Variants in DOCK5 observed in about 807,000 individuals in gnomAD.
DOCK5 encodes dedicator of cytokinesis protein 5.
Under a neutral mutation model 251.8 loss-of-function variants are expected in DOCK5, and 142 were observed. That is an observed-to-expected ratio of 0.56 (90% CI 0.49 to 0.65). The LOEUF is 0.65. DOCK5 is among the 30% of genes least tolerant of loss of function. DOCK5 has a pLI of 0.00. For missense variants in DOCK5, 2,111 were observed against 2,312.3 expected (o/e 0.91, Z 1.79); for synonymous variants, 842 against 835.5 (o/e 1.01, Z -0.13).
chr8:25,392,126 AC>A, intron 43 of DOCK5, 146 bp downstream of exon 43: 1 of 736,148 alleles, frequency 1.4e-6, no homozygotes, highest in Non-Finnish European at 2.2e-6. Flanking sequence ...ATACGGTGAA[AC>A]CCCATCGGTA....
intron 40 of DOCK5, among the ~76,000 whole-genome samples, chr8:25,383,903 A>G (rs187253931): frequency 3.3e-5 from 5 of 152,228 alleles, no homozygotes; most frequent in East Asian, 1.9e-4. Context: ...ACCCTGTGCT[A>G]TAAGAATCTG....
chr8:25,384,459 A>ATTT (rs1208387306), intron 40 of DOCK5, among the ~76,000 whole-genome samples: 1 of 65,704 alleles, frequency 1.5e-5, no homozygotes. Flanking sequence ...TTATTTATTT[A>ATTT]TTTATTTTTT....
chr8:25,296,800 G>GTA lies in DOCK5; in HGVS notation c.606+166_606+167dup, dbSNP rs755981625. On this transcript the variant is annotated intron_variant, in intron 7 of 51. Transcript: ENST00000276440. ...AAACATAGCAGAAAGGATGAGGCAG[G>GTA]TATATATATATATATGTTCTGATAT... Among the ~76,000 whole-genome samples the GTA allele has an allele frequency of 6.9e-3, 1,026 of 149,378 alleles. 14 individuals carry two copies. Among genetic ancestry groups the GTA allele is most frequent in the African/African-American group, 0.023 (930 of 40,926 alleles).
At position 25,283,918 on chromosome 8, in the gene DOCK5, G is replaced by A. The variant is rs142869322; in HGVS notation, c.321+5253G>A. Among the ~76,000 whole-genome samples, 37 of 152,280 alleles carry A rather than the reference G, an allele frequency of 2.4e-4. 1 individual carries two copies. The East Asian group carries it at 6.4e-3, about 26-fold the overall frequency. ...GTCACTGGGTGTGTTTTCATTGGTT[G>A]TTCAGGAAAGGAGGGAACATTGTGA... On this transcript the variant is annotated intron_variant, in intron 5 of 51. Coordinates refer to ENST00000276440, the MANE Select transcript of DOCK5 (RefSeq NM_024940.8).
chr8:25,282,052 C>G (rs948154134), intron 5 of DOCK5, among the ~76,000 whole-genome samples: 4 of 152,178 alleles, frequency 2.6e-5, no homozygotes, highest in Admixed American at 2.6e-4. Flanking sequence ...AATTCTCAGT[C>G]AGTCGATAGG....
chr8:25,320,137 T>G (rs934239429), intron 15 of DOCK5, among the ~76,000 whole-genome samples: 17 of 152,204 alleles, frequency 1.1e-4, no homozygotes, highest in African/African-American at 3.9e-4. Context: ...CCATCTTTCA[T>G]ATTAGGTACT....
chr8:25,329,214 A>G (rs995376679), intron 18 of DOCK5, among the ~76,000 whole-genome samples: 3 of 152,134 alleles, frequency 2.0e-5, no homozygotes, highest in Non-Finnish European at 4.4e-5. Flanking sequence ...GTTTTGCCAC[A>G]TCTGTAGCCC....
In DOCK5 at chr8:25,238,468, C is replaced by T. The variant is rs570236699; in HGVS notation, c.44-5206C>T. On this transcript the variant is annotated intron_variant, in intron 1 of 51. Transcript: ENST00000276440. Reference sequence around the variant, plus strand: ...AAGAGTTAGAATGAATAGATGACGGCGGTGATTGGAAATCTTGTTTGTGCT... The same window carrying T: ...AAGAGTTAGAATGAATAGATGACGGTGGTGATTGGAAATCTTGTTTGTGCT... 3.3e-4 allele frequency among the ~76,000 whole-genome samples: 51 copies of T among 152,276 alleles called. No homozygotes were observed. In the South Asian group the frequency reaches 5.8e-3, roughly 17 times the overall value.
intron 35 of DOCK5, 23 bp from the exon 36 acceptor site, chr8:25,373,594 TG>T: frequency 6.4e-7 from 1 of 1,551,264 alleles, no homozygotes; most frequent in Admixed American, 1.9e-5. Flanking sequence ...GTTGGGATTC[TG>T]TGATCCTTTT....
intron 35 of DOCK5, among the ~76,000 whole-genome samples, 154 bp downstream of exon 35, chr8:25,372,872 C>T (rs1453863527): frequency 1.3e-5 from 2 of 152,166 alleles, no homozygotes; most frequent in African/African-American, 4.8e-5. Context: ...ATGGCTGGCT[C>T]AGCTCACAGG....
chr8:25,331,268 C>CACAT (rs200930119), intron 18 of DOCK5, among the ~76,000 whole-genome samples: 1 of 149,424 alleles, frequency 6.7e-6, no homozygotes, highest in African/African-American at 2.5e-5. Context: ...CACACACACA[C>CACAT]ACATATATGT....
chr8:25,263,097 T>C (rs1237524730), intron 2 of DOCK5, among the ~76,000 whole-genome samples: 2 of 152,008 alleles, frequency 1.3e-5, no homozygotes, highest in Admixed American at 6.5e-5. Context: ...TGAATTTACC[T>C]CTATTTCATA....
chr8:25,267,095 G>A, intron 2 of DOCK5, among the ~76,000 whole-genome samples: 1 of 152,124 alleles, frequency 6.6e-6, no homozygotes, highest in South Asian at 2.1e-4. Flanking sequence ...ATTTATTCAT[G>A]CAAAAGCCCA....
chr8:25,244,421 T>TATCC (rs1803041537), intron 2 of DOCK5, among the ~76,000 whole-genome samples: 1 of 152,202 alleles, frequency 6.6e-6, no homozygotes, highest in South Asian at 2.1e-4. Flanking sequence ...TTCCTCCATA[T>TATCC]ATCCACATTT....
intron 30 of DOCK5, 134 bp downstream of exon 30, chr8:25,364,838 A>G (rs1800748303): frequency 1.1e-5 from 7 of 651,996 alleles, no homozygotes; most frequent in Admixed American, 2.8e-5. Flanking sequence ...TTCATTTCCT[A>G]AAGCACATAT....
chr8:25,397,801 A>G (rs926533925), intron 45 of DOCK5, among the ~76,000 whole-genome samples: 3 of 152,112 alleles, frequency 2.0e-5, no homozygotes, highest in African/African-American at 7.2e-5. Flanking sequence ...ACAGTGTTCT[A>G]ATTAAAATGA....
intron 45 of DOCK5, among the ~76,000 whole-genome samples, chr8:25,396,022 A>T (rs1206749850): frequency 6.6e-6 from 1 of 152,144 alleles, no homozygotes; most frequent in Non-Finnish European, 1.5e-5. Context: ...TGGACCCCAG[A>T]ACCCAGGCGC....
intron 1 of DOCK5, among the ~76,000 whole-genome samples, chr8:25,219,148 T>C (rs1802321098): frequency 6.6e-6 from 1 of 152,180 alleles, no homozygotes; most frequent in African/African-American, 2.4e-5. Context: ...CCCCTCTGAG[T>C]CACAATTTTT....
intron 1 of DOCK5, among the ~76,000 whole-genome samples, chr8:25,186,745 G>T (rs1020026452): frequency 1.3e-5 from 2 of 152,044 alleles, no homozygotes; most frequent in African/African-American, 4.8e-5. Context: ...ATTTTATCAG[G>T]ATTAAAAGCT....
Sources: allele counts gnomAD v4.1 joint callset (sites outside exome capture counted in the v4.1 genomes callset), GRCh38; gene constraint gnomAD v4.1.1; transcripts MANE v1.5; gene names NCBI Gene and HGNC (gene_info 2026-07-23, HGNC 2026-07-21).